The following PBXIP1 variants were observed in gnomAD, a reference collection of about 807,000 sequenced individuals.
PBXIP1 encodes the protein PBX homeobox interacting protein 1, also known as pre-B-cell leukemia transcription factor-interacting protein 1.
Under a neutral mutation model 73.7 loss-of-function variants are expected in PBXIP1, and 73 were observed. The observed-to-expected ratio is 0.99, with a 90% CI of 0.82 to 1.20. PBXIP1 has a LOEUF of 1.20. PBXIP1 is among the 50% of genes most tolerant of loss of function. The pLI, the probability that PBXIP1 is intolerant of heterozygous loss-of-function variation, is 0.00. For missense variants in PBXIP1, 818 were observed against 911.4 expected (o/e 0.90, Z 1.32); for synonymous variants, 330 against 366.9 (o/e 0.90, Z 1.15).
rs1655011916 is a variant in PBXIP1 at position 154,951,748 on chromosome 1, GA to G, written c.178+46del. On this transcript the variant is annotated intron_variant, in intron 3 of 10. Coordinates refer to ENST00000368463, the MANE Select transcript of PBXIP1 (RefSeq NM_020524.4). This position sits in a 1 kb window ranked among gnomAD's most constrained non-coding sequence, Gnocchi z 4.3. ...GGAAACTGAGAAACCCCAAAATATG[GA>G]GAATAGCTTTGTCCGGTAAGCTATG... 6.3e-7 allele frequency: 1 copy of G among 1,597,650 alleles called. No individual in the cohort carries two copies. The highest frequency in any genetic ancestry group is 8.5e-7 in the Non-Finnish European group (1 of 1,173,832).
rs1291938401 is a variant in PBXIP1 at position 154,944,533 on chromosome 1, G to A, written c.*491C>T. 6.5e-6 allele frequency: 1 copy of A among 153,534 alleles called. No homozygotes were observed. Among genetic ancestry groups the A allele is most frequent in the African/African-American group, 2.4e-5 (1 of 41,324 alleles). 9.5% of individuals were successfully genotyped at this position (153,534 alleles called of 1,614,324 possible). ...AGCAGGGGTAAAAAAAAAAAGGGGG[G>A]GGACTTCACCCCCTAGGGACAGCTG... is the stretch of plus-strand genomic sequence containing the variant. On this transcript the variant is annotated 3_prime_UTR_variant, in exon 11 of 11. Transcript: ENST00000368463.
chr1:154,953,979 G>A (rs1446349562), intron 1 of PBXIP1, among the ~76,000 whole-genome samples: 1 of 152,156 alleles, frequency 6.6e-6, no homozygotes, highest in Non-Finnish European at 1.5e-5. Context: ...CTCTTCCAGG[G>A]ACCAACAGGG....
In PBXIP1 at chr1:154,951,206, A is replaced by G; in HGVS notation, c.409+26T>C. The G allele has an allele frequency of 6.2e-7, 1 of 1,606,930 alleles. No homozygotes were observed. Among genetic ancestry groups the G allele is most frequent in the Non-Finnish European group, 8.5e-7 (1 of 1,174,498 alleles). ...TCCCATACCTTCTAGAAGGAGAGTG[A>G]CAGGAGAGGCAAGGAAGACTCTCAC... On this transcript the variant is annotated intron_variant, in intron 5 of 10. Coordinates refer to ENST00000368463, the MANE Select transcript of PBXIP1 (RefSeq NM_020524.4). This position sits in a 1 kb window ranked among gnomAD's most constrained non-coding sequence, Gnocchi z 4.3.
chr1:154,950,643 C>T (rs898705342), intron 5 of PBXIP1, among the ~76,000 whole-genome samples: 2 of 152,250 alleles, frequency 1.3e-5, no homozygotes, highest in East Asian at 1.9e-4. Flanking sequence ...GTGGTCCCCA[C>T]TCCTTTGCTG....
In PBXIP1 at chr1:154,944,210, A is replaced by T. The variant is rs1654722115; in HGVS notation, c.*814T>A. 1 of 152,298 alleles carries T rather than the reference A, an allele frequency of 6.6e-6. No homozygotes were observed. Among genetic ancestry groups the T allele is most frequent in the African/African-American group, 2.4e-5 (1 of 41,446 alleles). The allele number at this position is 152,298 out of a possible 1,614,324, so 9.4% of individuals were successfully genotyped here. A position where few individuals can be genotyped will look rare whatever the true frequency, so the allele number is the denominator to read the frequency against. On this transcript the variant is annotated 3_prime_UTR_variant, in exon 11 of 11. Coordinates refer to ENST00000368463, the MANE Select transcript of PBXIP1 (RefSeq NM_020524.4). ...TGGCCTGGATTTGAGCCTGAGGCTC[A>T]GACTCCAAAACCCACACTCAATTTG...
At chr1:154,947,895 G>A (rs1347548906) in intron 7 of PBXIP1, 87 bp downstream of exon 7, 1 of 1,459,752 alleles carries the variant, frequency 6.9e-7, no homozygotes, top group Non-Finnish European at 9.6e-7. Flanking sequence ...AGAAATAAAT[G>A]TGAGCCCCCA....
chr1:154,944,884 G>T lies in PBXIP1; in HGVS notation c.*140C>A. On this transcript the variant is annotated 3_prime_UTR_variant, in exon 11 of 11. Transcript: ENST00000368463. ...TTCTACATAAAGTGACATCAGTGCA[G>T]GGCTGGTGATTTTGCTCTACTGTGT... 1.5e-6 allele frequency: 1 copy of T among 668,774 alleles called. No homozygotes were observed. The highest frequency in any genetic ancestry group is 2.6e-6 in the Non-Finnish European group (1 of 379,266). 41.4% of individuals were successfully genotyped at this position (668,774 alleles called of 1,614,324 possible).
At chr1:154,956,044 G>A (rs1262468469) in intron 1 of PBXIP1, 25 bp downstream of exon 1, 1 of 152,386 alleles carries the variant, frequency 6.6e-6, no homozygotes, top group Non-Finnish European at 1.5e-5. Flanking sequence ...CGAATCTGTG[G>A]ACCCCTTCCC....
rs2101988351 is a variant in PBXIP1, at chr1:154,951,960, A to AC, written c.52-40_52-39insG. ...TGCAAGGAGAAGGGCTGCACCCAAG[A>AC]ATGGGGCCCCAGCCCACATCCCAGA... is the stretch of plus-strand genomic sequence containing the variant. On this transcript the variant is annotated intron_variant, in intron 2 of 10. Coordinates refer to ENST00000368463, the MANE Select transcript of PBXIP1 (RefSeq NM_020524.4). The surrounding 1 kb of genome is among the most constrained non-coding windows in gnomAD (Gnocchi z 4.3). 1 of 1,576,764 alleles carries AC rather than the reference A, an allele frequency of 6.3e-7. No individual in the cohort carries two copies. The highest frequency in any genetic ancestry group is 2.2e-5 in the East Asian group (1 of 44,514).
At chr1:154,947,219 ACAGGTATGC>A in intron 9 of PBXIP1, 189 bp downstream of exon 9, 1 of 639,272 alleles carries the variant, frequency 1.6e-6, no homozygotes, top group South Asian at 1.9e-5. Flanking sequence ...ACCATGTGGA[ACAGGTATGC>A]CAGCCCTGGC....
chr1:154,949,624 A>T (rs1274778727), intron 5 of PBXIP1, among the ~76,000 whole-genome samples: 1 of 152,192 alleles, frequency 6.6e-6, no homozygotes, highest in Non-Finnish European at 1.5e-5. Context: ...GAACAGTGTT[A>T]ACTGATCATG....
Position 154,946,132 on chromosome 1 carries a change from T to C in PBXIP1, c.1542A>G (p.Ala514=), listed in dbSNP as rs1654803951. The C allele has an allele frequency of 1.2e-6, 2 of 1,614,020 alleles. No homozygotes were observed. The highest frequency in any genetic ancestry group is 1.7e-6 in the Non-Finnish European group (2 of 1,180,010). The change falls in exon 10 of 11, where the codon GCA becomes GCG. Residue 514 remains alanine, a synonymous_variant. Coordinates refer to ENST00000368463, the MANE Select transcript of PBXIP1 (RefSeq NM_020524.4). ...TTGGCCTGCCCTCCTTCCACCTTCC[T>C]GCTGGCTCCCTGTCCTCCTGACCTC... ...NWGGQEDREP[A]GRWKEGRPRV... is the part of the protein sequence containing the mutation.
rs1295962076 is a variant in PBXIP1 at position 154,946,156 on chromosome 1, T to C, written c.1518A>G (p.Gly506=). 1.2e-6 allele frequency: 2 copies of C among 1,613,952 alleles called. No homozygotes were observed. Among genetic ancestry groups the C allele is most frequent in the Non-Finnish European group, 1.7e-6 (2 of 1,180,010 alleles). The stretch of plus-strand genomic sequence containing the variant: ...CTGCTGGCTCCCTGTCCTCCTGACC[T>C]CCCCAGTTCTTCTTCCTTTCCCGGC... ...ESGRERKKNW[G]GQEDREPAGR... Residue 506 remains glycine, a synonymous_variant, in exon 10 of 11, where the codon GGA becomes GGG. Transcript: ENST00000368463.
chr1:154,953,903 C>A, intron 1 of PBXIP1, 146 bp from the exon 2 acceptor site: 1 of 594,064 alleles, frequency 1.7e-6, no homozygotes, highest in East Asian at 2.8e-5. Flanking sequence ...TCCCTGACAC[C>A]CCAGCTCTTC....
Position 154,948,013 on chromosome 1 carries a change from CAG to C in PBXIP1, c.644-10_644-9del. Reference sequence around the variant, plus strand: ...CAGACTCTGAGAGGCCACCTAAGGACAGAGACAGAGGAGTCTGATGAGGCCCT... The same window carrying C: ...CAGACTCTGAGAGGCCACCTAAGGACAGACAGAGGAGTCTGATGAGGCCCT... On this transcript the variant is annotated splice_polypyrimidine_tract_variant and intron_variant, in intron 6 of 10. Transcript: ENST00000368463. The C allele has an allele frequency of 1.2e-6, 2 of 1,613,126 alleles. No homozygotes were observed. Among genetic ancestry groups the C allele is most frequent in the Non-Finnish European group, 8.5e-7 (1 of 1,179,436 alleles).
In PBXIP1 at chr1:154,951,545, G is replaced by A; in HGVS notation, c.179-10C>T. On this transcript the variant is annotated splice_polypyrimidine_tract_variant and intron_variant, in intron 3 of 10. Coordinates refer to ENST00000368463, the MANE Select transcript of PBXIP1 (RefSeq NM_020524.4). The surrounding 1 kb of genome is among the most constrained non-coding windows in gnomAD (Gnocchi z 4.3). ...GTCTGGAAGAGCGTCCCTGCGGTAG[G>A]AGAAAAGGCGCAGAAAAACCCACTG... is the stretch of plus-strand genomic sequence containing the variant. 6.2e-7 allele frequency: 1 copy of A among 1,612,720 alleles called. No individual in the cohort carries two copies. Among genetic ancestry groups the A allele is most frequent in the Non-Finnish European group, 8.5e-7 (1 of 1,179,076 alleles).
Position 154,944,802 on chromosome 1 carries a change from C to A in PBXIP1, c.*222G>T, listed in dbSNP as rs900064577. On this transcript the variant is annotated 3_prime_UTR_variant, in exon 11 of 11. Coordinates refer to ENST00000368463, the MANE Select transcript of PBXIP1 (RefSeq NM_020524.4). ...CAAAACACAAGCCCACATCCCAGGG[C>A]CTGGAGTATTTGCATGCATTTGCAT... is the stretch of plus-strand genomic sequence containing the variant. 9 of 522,032 alleles carry A rather than the reference C, an allele frequency of 1.7e-5. No individual in the cohort carries two copies. Among genetic ancestry groups the A allele is most frequent in the Non-Finnish European group, 2.1e-5 (6 of 291,024 alleles). 32.3% of individuals were successfully genotyped at this position (522,032 alleles called of 1,614,324 possible).
intron 10 of PBXIP1, 121 bp downstream of exon 10, chr1:154,945,451 C>A: frequency 4.6e-6 from 5 of 1,094,840 alleles, no homozygotes; most frequent in Non-Finnish European, 6.6e-6. Context: ...ACCTGAATGC[C>A]TTCTCTAAGG....
At position 154,946,616 on chromosome 1, in the gene PBXIP1, C is replaced by G; in HGVS notation, c.1058G>C (p.Cys353Ser). The change falls in exon 10 of 11, where the codon TGC (cysteine) becomes TCC (serine). Residue 353 changes from cysteine to serine, a missense_variant. Cys to Ser is a moderately radical substitution (Grantham distance 112). Coordinates refer to ENST00000368463, the MANE Select transcript of PBXIP1 (RefSeq NM_020524.4). ...CTGTGGGCCTCTACCCCCACTGAGG[C>G]ACACCCCATCTGGGCCCCGGACACA... is the stretch of plus-strand genomic sequence containing the variant. Reference protein sequence around the residue: ...ADCVRGPDGVCLSGGRGPQGD... With the variant: ...ADCVRGPDGVSLSGGRGPQGD... 6.2e-7 allele frequency: 1 copy of G among 1,612,658 alleles called. No homozygotes were observed. The highest frequency in any genetic ancestry group is 8.5e-7 in the Non-Finnish European group (1 of 1,179,232).
Sources: gnomAD v4.1 joint callset for allele counts (sites outside exome capture counted in the v4.1 genomes callset) on GRCh38, gnomAD v4.1.1 for gene constraint, Gnocchi (gnomAD v3.1) non-coding constraint, MANE v1.5 for transcripts, NCBI Gene and HGNC (gene_info 2026-07-23, HGNC 2026-07-21) for gene names.